The following SDK1 variants were observed in gnomAD, a reference collection of about 807,000 sequenced individuals.
The protein encoded by SDK1 is protein sidekick-1.
SDK1 carries 157 observed loss-of-function variants against 245.5 expected under a neutral mutation model. The observed-to-expected ratio is 0.64, with a 90% CI of 0.56 to 0.73. The LOEUF (loss-of-function observed/expected upper bound fraction) is 0.73. SDK1 is among the 30% of genes least tolerant of loss of function. SDK1 has a pLI of 0.00. For synonymous variants in SDK1, 1,647 were observed against 1,278.5 expected (o/e 1.29, Z -6.15); for missense variants, 3,583 against 3,002.3 (o/e 1.19, Z -4.52).
intron 8 of SDK1, among the ~76,000 whole-genome samples, chr7:3,961,528 G>C (rs1356709590): frequency 1.3e-5 from 2 of 152,344 alleles, no homozygotes; most frequent in South Asian, 2.1e-4. Flanking sequence ...CTGAGGTACA[G>C]AACCATCTGA....
At chr7:3,485,183 A>T (rs1781645980) in intron 1 of SDK1, among the ~76,000 whole-genome samples, 1 of 151,892 alleles carries the variant, frequency 6.6e-6, no homozygotes, top group African/African-American at 2.4e-5. Flanking sequence ...TGTCTTTTTG[A>T]TAATAGCTAT....
At position 3,911,386 on chromosome 7, in the gene SDK1, A is replaced by C. The variant is rs1017659544; in HGVS notation, c.848-39537A>C. Among the ~76,000 whole-genome samples the C allele has an allele frequency of 3.3e-5, 5 of 152,134 alleles. No individual in the cohort carries two copies. The East Asian group carries it at 7.7e-4, about 24-fold the overall frequency. On this transcript the variant is annotated intron_variant, in intron 5 of 44. Transcript: ENST00000404826. ...TGTCAGCAACAGAAACTTACTGCTC[A>C]CAGTTCTGGAGGCTGTGAAGTCCAA...
intron 1 of SDK1, among the ~76,000 whole-genome samples, chr7:3,311,226 G>A: frequency 6.6e-6 from 1 of 152,100 alleles, no homozygotes; most frequent in East Asian, 1.9e-4. Flanking sequence ...TTAGGGAATG[G>A]TTATGATAAT....
At chr7:3,885,197 A>G (rs1183525601) in intron 5 of SDK1, among the ~76,000 whole-genome samples, 1 of 152,146 alleles carries the variant, frequency 6.6e-6, no homozygotes, top group Non-Finnish European at 1.5e-5. Context: ...CCTGCTGGCC[A>G]TGGCAGTCCC....
At position 4,053,840 on chromosome 7, in the gene SDK1, A is replaced by T. The variant is rs1779034878; in HGVS notation, c.2911+2010A>T. On this transcript the variant is annotated intron_variant, in intron 19 of 44. Coordinates refer to ENST00000404826, the MANE Select transcript of SDK1 (RefSeq NM_152744.4). ...AATTGATCCCAGAAGTTCTTCCCAT[A>T]CTCTGCCTTTGCTCTGCTTTCTGCT... Among the ~76,000 whole-genome samples, 6 of 150,872 alleles carry T rather than the reference A, an allele frequency of 4.0e-5. 1 individual carries two copies. The South Asian group carries it at 1.3e-3, about 32-fold the overall frequency.
chr7:4,243,622 C>A (rs1786662499), intron 43 of SDK1, among the ~76,000 whole-genome samples: 1 of 152,160 alleles, frequency 6.6e-6, no homozygotes. Flanking sequence ...ACCATCAGAT[C>A]GTGTGAGACT....
chr7:4,242,003 C>A, intron 43 of SDK1, 90 bp downstream of exon 43: 1 of 1,481,482 alleles, frequency 6.7e-7, no homozygotes, highest in Non-Finnish European at 9.1e-7. Flanking sequence ...CCTCCTGCAT[C>A]CCGCCCTGTG....
chr7:3,730,084 A>C (rs1190641872), intron 4 of SDK1, among the ~76,000 whole-genome samples: 1 of 152,144 alleles, frequency 6.6e-6, no homozygotes, highest in African/African-American at 2.4e-5. Flanking sequence ...GATGGCCCCT[A>C]GCAGGAAATA....
At chr7:3,980,151 G>GA (rs1231389768) in intron 13 of SDK1, among the ~76,000 whole-genome samples, 1 of 152,108 alleles carries the variant, frequency 6.6e-6, no homozygotes, top group African/African-American at 2.4e-5. Context: ...TTTTTATGTA[G>GA]AAAAAAAGTA....
chr7:3,461,152 G>A (rs995371766), intron 1 of SDK1, among the ~76,000 whole-genome samples: 3 of 152,118 alleles, frequency 2.0e-5, no homozygotes, highest in African/African-American at 7.2e-5. Context: ...GCAATCCCTT[G>A]TTGAGTTAGA....
intron 4 of SDK1, among the ~76,000 whole-genome samples, chr7:3,702,893 C>T (rs995914465): frequency 6.6e-6 from 1 of 151,218 alleles, no homozygotes; most frequent in Non-Finnish European, 1.5e-5. Flanking sequence ...TAAGAGATCA[C>T]TAGCTATTAG....
At chr7:3,899,372 C>G (rs770536912) in intron 5 of SDK1, among the ~76,000 whole-genome samples, 1 of 152,186 alleles carries the variant, frequency 6.6e-6, no homozygotes, top group East Asian at 1.9e-4. Context: ...GAGAGCAGAA[C>G]TTTGTAGCCA....
In SDK1 at chr7:4,077,033, G is replaced by A. The variant is rs11978101; in HGVS notation, c.3046G>A (p.Asp1016Asn). Residue 1016 changes from aspartate (D) to asparagine (N), a missense_variant, in exon 21 of 45, where the codon GAC becomes AAC. By Grantham distance (23) the Asp-to-Asn change is conservative. Transcript: ENST00000404826. ...CTCTTGGGAAGTGTACGGCAGGAACGACTCTCGTCTCACGCACACCCTGAA... is the reference window on the plus strand; with the variant it reads ...CTCTTGGGAAGTGTACGGCAGGAACAACTCTCGTCTCACGCACACCCTGAA... ...QISWEVYGRN[D>N]SRLTHTLNST... 442,206 of 1,613,636 alleles carry A rather than the reference G, an allele frequency of 0.27. 62,551 individuals carry two copies. Among genetic ancestry groups the A allele is most frequent in the South Asian group, 0.35 (31,438 of 91,070 alleles).
chr7:3,369,036 C>T (rs2128562773), intron 1 of SDK1, among the ~76,000 whole-genome samples: 1 of 151,672 alleles, frequency 6.6e-6, no homozygotes, highest in East Asian at 1.9e-4. Context: ...TTTTTCTTTC[C>T]TTTTCTTTTT....
At chr7:3,629,931 G>C (rs894406842) in intron 2 of SDK1, among the ~76,000 whole-genome samples, 2 of 152,124 alleles carry the variant, frequency 1.3e-5, no homozygotes, top group African/African-American at 4.8e-5. Flanking sequence ...GATCAAAGTA[G>C]AGACACGAAA....
At position 3,958,959 on chromosome 7, in the gene SDK1, G is replaced by A. The variant is rs1162184133; in HGVS notation, c.1179G>A (p.Glu393=). ...IEPPYFTAEP[E]SRISAEVEET... ...CACCATATTTTACTGCTGAGCCCGA[G>A]AGTCGGATTTCAGCTGAAGTAGAAG... is the stretch of plus-strand genomic sequence containing the variant. The change falls in exon 8 of 45, where the codon GAG becomes GAA. Residue 393 remains glutamate (E), a synonymous_variant. Transcript: ENST00000404826. 2 of 1,613,880 alleles carry A rather than the reference G, an allele frequency of 1.2e-6. No homozygotes were observed. Among genetic ancestry groups the A allele is most frequent in the African/African-American group, 2.7e-5 (2 of 74,872 alleles).
intron 2 of SDK1, among the ~76,000 whole-genome samples, chr7:3,632,225 C>G (rs1024218751): frequency 6.6e-6 from 1 of 152,140 alleles, no homozygotes. Flanking sequence ...CTGTGCTTCA[C>G]TAAATATGGA....
At chr7:4,072,300 C>G (rs938735573) in intron 20 of SDK1, among the ~76,000 whole-genome samples, 3 of 152,194 alleles carry the variant, frequency 2.0e-5, no homozygotes, top group Admixed American at 1.3e-4. Flanking sequence ...CTGCAGGTTC[C>G]TCTCGGCAGC....
rs1788414675 is a variant in SDK1, at chr7:4,265,513, A to G, written c.*129A>G. 7.3e-7 allele frequency: 1 copy of G among 1,369,574 alleles called. No individual in the cohort carries two copies. The allele number at this position is 1,369,574 out of a possible 1,614,324, so 84.8% of individuals were successfully genotyped here. On this transcript the variant is annotated 3_prime_UTR_variant, in exon 45 of 45. Coordinates refer to ENST00000404826, the MANE Select transcript of SDK1 (RefSeq NM_152744.4). ...AAAGAAAAAAATCTGATAAGTGATG[A>G]TTTTACCTACTTGTGGACACTAGAT...
Sources: allele counts gnomAD v4.1 joint callset (sites outside exome capture counted in the v4.1 genomes callset), GRCh38; gene constraint gnomAD v4.1.1; transcripts MANE v1.5; gene names NCBI Gene and HGNC (gene_info 2026-07-23, HGNC 2026-07-21).